Variants in SBF2 observed in about 807,000 individuals in gnomAD.
SBF2 encodes myotubularin-related protein 13.
Under a neutral mutation model 225.2 loss-of-function variants are expected in SBF2, and 112 were observed. That is an observed-to-expected ratio of 0.50 (90% CI 0.43 to 0.58). SBF2 has a LOEUF of 0.58. Ranked by LOEUF, SBF2 falls within the 20% of genes least tolerant of loss-of-function variation. SBF2 has a pLI of 0.00. For missense variants in SBF2, 1,996 were observed against 2,206.2 expected (o/e 0.90, Z 1.91); for synonymous variants, 763 against 773.3 (o/e 0.99, Z 0.22).
intron 14 of SBF2, among the ~76,000 whole-genome samples, chr11:9,965,084 CACATT>C (rs1004420576): frequency 2.0e-5 from 3 of 151,566 alleles, no homozygotes; most frequent in African/African-American, 7.3e-5. Flanking sequence ...TCCATGTGTA[CACATT>C]ATTTAGCTCC....
At chr11:10,214,903 G>A (rs1652923965) in intron 1 of SBF2, among the ~76,000 whole-genome samples, 1 of 152,158 alleles carries the variant, frequency 6.6e-6, no homozygotes, top group African/African-American at 2.4e-5. Context: ...ATAAGAATCA[G>A]ATGCTCACAA....
intron 6 of SBF2, among the ~76,000 whole-genome samples, chr11:10,013,442 A>G (rs2134564191): frequency 6.6e-6 from 1 of 152,322 alleles, no homozygotes; most frequent in East Asian, 1.9e-4. Flanking sequence ...GTTTTTACAC[A>G]AAGTTCTAGC....
chr11:9,875,434 T>C (rs1446073527), intron 17 of SBF2, among the ~76,000 whole-genome samples: 1 of 152,254 alleles, frequency 6.6e-6, no homozygotes, highest in Non-Finnish European at 1.5e-5. Context: ...GCTATTTATG[T>C]TTCATTTGTA....
intron 17 of SBF2, among the ~76,000 whole-genome samples, chr11:9,895,318 T>C (rs1204124065): frequency 1.3e-5 from 2 of 152,224 alleles, no homozygotes; most frequent in East Asian, 3.8e-4. Context: ...GAAGGATGTA[T>C]TAAATGCATT....
chr11:9,845,553 C>A lies in SBF2; in HGVS notation c.3110+12G>T, dbSNP rs777171200. ...GGAGGGCTGAAATTAACAGACTTGT[C>A]TTTCTTCTTACCGAAAAGAAGTGTT... On this transcript the variant is annotated intron_variant, in intron 24 of 39. Transcript: ENST00000256190. The A allele has an allele frequency of 1.2e-6, 2 of 1,612,012 alleles. No homozygotes were observed. Among genetic ancestry groups the A allele is most frequent in the Admixed American group, 3.3e-5 (2 of 59,994 alleles).
chr11:9,937,410 C>G (rs1308224907), intron 16 of SBF2, among the ~76,000 whole-genome samples: 1 of 151,880 alleles, frequency 6.6e-6, no homozygotes, highest in Non-Finnish European at 1.5e-5. Context: ...TGCTGAAAAG[C>G]AATTGAAAAA....
intron 28 of SBF2, among the ~76,000 whole-genome samples, chr11:9,821,177 AGGCACCTAAT>A (rs1423381641): frequency 6.6e-6 from 1 of 152,246 alleles, no homozygotes; most frequent in African/African-American, 2.4e-5. Context: ...TTGTGAGGGC[AGGCACCTAAT>A]CATGTTTATT....
intron 16 of SBF2, among the ~76,000 whole-genome samples, chr11:9,903,569 G>A (rs150917946): frequency 8.7e-4 from 132 of 152,322 alleles, no homozygotes; most frequent in African/African-American, 2.9e-3. Context: ...AAGTTTCAGA[G>A]CAGGAGTGGA....
chr11:10,292,321 A>T (rs963369611), intron 1 of SBF2, among the ~76,000 whole-genome samples: 12 of 152,198 alleles, frequency 7.9e-5, no homozygotes, highest in Admixed American at 7.2e-4. Context: ...GCTTCCTCTC[A>T]AATTGTTGGG....
At chr11:9,806,493 T>C (rs1853856167) in intron 32 of SBF2, among the ~76,000 whole-genome samples, 1 of 152,204 alleles carries the variant, frequency 6.6e-6, no homozygotes, top group East Asian at 1.9e-4. Flanking sequence ...CAGGTAAGCT[T>C]TCTGTTTCAG....
At chr11:9,856,402 C>A in intron 19 of SBF2, 56 bp downstream of exon 19, 1 of 1,608,932 alleles carries the variant, frequency 6.2e-7, no homozygotes, top group South Asian at 1.1e-5. Flanking sequence ...ATCTGTCAAG[C>A]CAAGACTGGC....
At position 10,215,478 on chromosome 11, in the gene SBF2, C is replaced by T. The variant is rs796456621; in HGVS notation, c.56-21491G>A. ...ATCTTGTAGGAACCTCTTTGTGTAA[C>T]CATCTGGACTTCCATAAAGGAAAAT... On this transcript the variant is annotated intron_variant, in intron 1 of 39. Coordinates refer to ENST00000256190, the MANE Select transcript of SBF2 (RefSeq NM_030962.4). Among the ~76,000 whole-genome samples the T allele has an allele frequency of 7.2e-5, 11 of 152,238 alleles. 1 individual carries two copies. Among genetic ancestry groups the T allele is most frequent in the African/African-American group, 2.6e-4 (11 of 41,536 alleles).
intron 1 of SBF2, among the ~76,000 whole-genome samples, chr11:10,251,601 T>C (rs1361956096): frequency 1.3e-5 from 2 of 152,178 alleles, no homozygotes; most frequent in African/African-American, 4.8e-5. Context: ...CTATTTAATC[T>C]TAGGTGGTTT....
intron 2 of SBF2, among the ~76,000 whole-genome samples, chr11:10,090,523 G>A (rs1223588931): frequency 6.6e-6 from 1 of 152,042 alleles, no homozygotes; most frequent in Non-Finnish European, 1.5e-5. Context: ...CCAGCACTTT[G>A]GGAGGCTGAG....
intron 6 of SBF2, among the ~76,000 whole-genome samples, chr11:10,021,657 C>T (rs1210716948): frequency 6.6e-6 from 1 of 152,150 alleles, no homozygotes; most frequent in African/African-American, 2.4e-5. Flanking sequence ...GCTATCATTA[C>T]ATTTAGACCT....
At chr11:10,282,830 AGG>A (rs2135564158) in intron 1 of SBF2, among the ~76,000 whole-genome samples, 1 of 40,626 alleles carries the variant, frequency 2.5e-5, no homozygotes, top group African/African-American at 6.9e-5. Context: ...TATAGAGTCA[AGG>A]CTCACCATCT....
chr11:9,780,617 T>C, intron 39 of SBF2, 101 bp from the exon 40 acceptor site: 1 of 907,072 alleles, frequency 1.1e-6, no homozygotes, highest in Non-Finnish European at 1.8e-6. Flanking sequence ...TTTTCCATAC[T>C]GCCCCAGAAC....
intron 22 of SBF2, among the ~76,000 whole-genome samples, chr11:9,847,384 C>T (rs529458250): frequency 6.6e-6 from 1 of 152,214 alleles, no homozygotes; most frequent in South Asian, 2.1e-4. Flanking sequence ...CTTGCCACTC[C>T]TGAGACAGAG....
intron 5 of SBF2, 30 bp from the exon 6 acceptor site, chr11:10,028,587 C>A (rs1361527278): frequency 3.7e-6 from 5 of 1,355,808 alleles, no homozygotes; most frequent in Admixed American, 3.4e-5. Context: ...CAAACACACA[C>A]ACACACGATT....
Sources: allele counts gnomAD v4.1 joint callset (sites outside exome capture counted in the v4.1 genomes callset), GRCh38; gene constraint gnomAD v4.1.1; transcripts MANE v1.5; gene names NCBI Gene and HGNC (gene_info 2026-07-23, HGNC 2026-07-21).